FBXL14: variants seen among roughly 807,000 people sequenced by gnomAD.
FBXL14 encodes F-box and leucine rich repeat protein 14, also known as F-box/LRR-repeat protein 14.
FBXL14 carries 11 observed loss-of-function variants against 24.5 expected under a neutral mutation model. The observed-to-expected ratio is 0.45, with a 90% CI of 0.28 to 0.74. The LOEUF is 0.74. Among genes scored for constraint, FBXL14 ranks in the 30% least tolerant of loss-of-function variants. The pLI is 0.12. For synonymous variants in FBXL14, 294 were observed against 240.4 expected, an observed-to-expected ratio of 1.22 and a Z score of -2.06; for missense variants, 384 against 545.6, an observed-to-expected ratio of 0.70 and a Z score of 2.95.
In FBXL14 at chr12:1,593,459, C is replaced by G. The variant is rs772346200; in HGVS notation, c.608G>C (p.Gly203Ala). ...GTCCTGTAGCGTGAGCTGCTCCAGG[C>G]CCAGGCAGCCCTCCGCCGCGCTGCG... is the stretch of plus-strand genomic sequence containing the variant. ...MTRSAAEGCL[G>A]LEQLTLQDCQ... The change falls in exon 1 of 2, where the codon GGC becomes GCC. Residue 203 changes from glycine to alanine, a missense_variant. Physicochemically the swap from Gly to Ala is moderately conservative, Grantham distance 60. Transcript: ENST00000339235. This position sits in a 1 kb window ranked among gnomAD's most constrained non-coding sequence, Gnocchi z 7.4. The G allele has an allele frequency of 1.2e-6, 2 of 1,613,998 alleles. No individual in the cohort carries two copies. The highest frequency in any genetic ancestry group is 4.5e-5 in the East Asian group (2 of 44,886).
In FBXL14 at chr12:1,585,682, G is replaced by C. The variant is rs574906981; in HGVS notation, c.1194+7191C>G. On this transcript the variant is annotated intron_variant, in intron 1 of 1. Transcript: ENST00000339235. ...GTGTGGTAGGTCTGATCCTTCTGGAGTGTGGATTACGTAAATGGGGGAGTA... is the reference window on the plus strand; with the variant it reads ...GTGTGGTAGGTCTGATCCTTCTGGACTGTGGATTACGTAAATGGGGGAGTA... Among the ~76,000 whole-genome samples the C allele has an allele frequency of 2.5e-3, 386 of 152,346 alleles. 1 individual carries two copies. The highest frequency in any genetic ancestry group is 8.8e-3 in the African/African-American group (365 of 41,570).
intron 1 of FBXL14, among the ~76,000 whole-genome samples, chr12:1,568,311 A>G (rs2094439622): frequency 6.6e-6 from 1 of 152,238 alleles, no homozygotes; most frequent in African/African-American, 2.4e-5. Context: ...AACCCTGCAC[A>G]ATTATCCTTT....
Position 1,593,071 on chromosome 12 carries a change from C to A in FBXL14, c.996G>T (p.Leu332=). 1 of 1,612,948 alleles carries A rather than the reference C, an allele frequency of 6.2e-7. No individual in the cohort carries two copies. Among genetic ancestry groups the A allele is most frequent in the African/African-American group, 1.3e-5 (1 of 75,078 alleles). ...INRMVRQMHG[L]RTLNIGQCVR... is the part of the protein sequence containing the mutation. ...CACACTGTCCAATGTTGAGCGTGCG[C>A]AGCCCGTGCATCTGCCGCACCATGC... The change falls in exon 1 of 2, where the codon CTG becomes CTT. Residue 332 remains leucine (L), a synonymous_variant. Coordinates refer to ENST00000339235, the MANE Select transcript of FBXL14 (RefSeq NM_152441.3). The surrounding 1 kb of genome is among the most constrained non-coding windows in gnomAD (Gnocchi z 7.4).
intron 1 of FBXL14, 88 bp from the exon 2 acceptor site, chr12:1,566,898 G>A (rs951939553): frequency 4.3e-5 from 31 of 722,768 alleles, no homozygotes; most frequent in Middle Eastern, 2.4e-4. Flanking sequence ...TAACCCCACC[G>A]CGGCTTTATC....
chr12:1,573,626 T>C (rs1009558611), intron 1 of FBXL14, among the ~76,000 whole-genome samples: 2 of 152,120 alleles, frequency 1.3e-5, no homozygotes, highest in African/African-American at 4.8e-5. Flanking sequence ...AAGCCAGGAC[T>C]TAAAGGGTGA....
rs562339452 is a variant in FBXL14, at chr12:1,567,356, G to A, written c.1195-546C>T. Among the ~76,000 whole-genome samples the A allele has an allele frequency of 1.3e-5, 2 of 152,198 alleles. No homozygotes were observed. The highest frequency in any genetic ancestry group is 4.8e-5 in the African/African-American group (2 of 41,496). ...AGAAAAGAAAAATTAGCTGGGCGTG[G>A]TGGCAAGCACCTGTAATCCCAGCTG... On this transcript the variant is annotated intron_variant, in intron 1 of 1. Coordinates refer to ENST00000339235, the MANE Select transcript of FBXL14 (RefSeq NM_152441.3). The surrounding 1 kb of genome is among the most constrained non-coding windows in gnomAD (Gnocchi z 4.8).
chr12:1,572,682 G>A (rs374656876), intron 1 of FBXL14, among the ~76,000 whole-genome samples: 1 of 152,208 alleles, frequency 6.6e-6, no homozygotes, highest in Non-Finnish European at 1.5e-5. Context: ...ATCCCGGACA[G>A]CGTGCAGCAG....
Position 1,594,375 on chromosome 12 carries a change from G to A in FBXL14, c.-309C>T, listed in dbSNP as rs1387299955. Among the ~76,000 whole-genome samples the A allele has an allele frequency of 6.9e-6, 1 of 145,638 alleles. No individual in the cohort carries two copies. Among genetic ancestry groups the A allele is most frequent in the Non-Finnish European group, 1.5e-5 (1 of 65,622 alleles). On this transcript the variant is annotated 5_prime_UTR_variant, in exon 1 of 2. Transcript: ENST00000339235. ...CTCTCGCTCCCGGAGGCCGGCCGCC[G>A]CCGCCGCCTCGGCTCTACCCACGCC...
rs2094462853 is a variant in FBXL14 at position 1,579,843 on chromosome 12, A to G, written c.1194+13030T>C. 1.3e-5 allele frequency among the ~76,000 whole-genome samples: 2 copies of G among 152,268 alleles called. No individual in the cohort carries two copies. The highest frequency in any genetic ancestry group is 3.9e-4 in the East Asian group (2 of 5,170). On this transcript the variant is annotated intron_variant, in intron 1 of 1. Coordinates refer to ENST00000339235, the MANE Select transcript of FBXL14 (RefSeq NM_152441.3). This position sits in a 1 kb window ranked among gnomAD's most constrained non-coding sequence, Gnocchi z 4.3. ...ACATCACTAACCAGCTGGGATTAGA[A>G]TGAGCAGTCTCTCGATGCTGAAATG... is the stretch of plus-strand genomic sequence containing the variant.
rs1387921340 is a variant in FBXL14 at position 1,593,800 on chromosome 12, C to A, written c.267G>T (p.Met89Ile). 1 of 1,614,192 alleles carries A rather than the reference C, an allele frequency of 6.2e-7. No individual in the cohort carries two copies. Among genetic ancestry groups the A allele is most frequent in the South Asian group, 1.1e-5 (1 of 91,086 alleles). The change falls in exon 1 of 2, where the codon ATG becomes ATT. Residue 89 changes from methionine (M) to isoleucine (I), a missense_variant. Coordinates refer to ENST00000339235, the MANE Select transcript of FBXL14 (RefSeq NM_152441.3). This position sits in a 1 kb window ranked among gnomAD's most constrained non-coding sequence, Gnocchi z 7.4. ...TGAGGTTGAGGCTCTCGATGTTGGC[C>A]ATGCCCTGGATCACGTAGCTGAGGC... ...RRSLSYVIQG[M>I]ANIESLNLSG...
intron 1 of FBXL14, 99 bp from the exon 2 acceptor site, chr12:1,566,909 A>G (rs1353986788): frequency 1.0e-5 from 7 of 686,422 alleles, no homozygotes; most frequent in Non-Finnish European, 2.7e-6. Flanking sequence ...CGGCTTTATC[A>G]GCGCCTAACT....
At position 1,593,802 on chromosome 12, in the gene FBXL14, T is replaced by C; in HGVS notation, c.265A>G (p.Met89Val). The C allele has an allele frequency of 6.2e-7, 1 of 1,614,162 alleles. No individual in the cohort carries two copies. Among genetic ancestry groups the C allele is most frequent in the Non-Finnish European group, 8.5e-7 (1 of 1,180,008 alleles). The part of the protein sequence containing the change: ...RRSLSYVIQG[M>V]ANIESLNLSG... ...AGGTTGAGGCTCTCGATGTTGGCCA[T>C]GCCCTGGATCACGTAGCTGAGGCTG... Residue 89 changes from methionine (M) to valine (V), a missense_variant, in exon 1 of 2, where the codon ATG becomes GTG. By Grantham distance (21) the Met-to-Val change is conservative. Coordinates refer to ENST00000339235, the MANE Select transcript of FBXL14 (RefSeq NM_152441.3). The surrounding 1 kb of genome is among the most constrained non-coding windows in gnomAD (Gnocchi z 7.4).
chr12:1,578,759 G>A (rs1443217342), intron 1 of FBXL14, among the ~76,000 whole-genome samples: 3 of 152,130 alleles, frequency 2.0e-5, no homozygotes, highest in Non-Finnish European at 4.4e-5. Flanking sequence ...GCAGGCATCT[G>A]TGCAGTGATT....
At chr12:1,571,518 A>G (rs769408712) in intron 1 of FBXL14, among the ~76,000 whole-genome samples, 1 of 152,168 alleles carries the variant, frequency 6.6e-6, no homozygotes, top group Non-Finnish European at 1.5e-5. Context: ...AGTGTAAAAC[A>G]CTACTTTCTT....
chr12:1,594,371 C>G lies in FBXL14; in HGVS notation c.-305G>C, dbSNP rs1009149052. ...CTCGCTCTCGCTCCCGGAGGCCGGC[C>G]GCCGCCGCCGCCTCGGCTCTACCCA... is the stretch of plus-strand genomic sequence containing the variant. On this transcript the variant is annotated 5_prime_UTR_variant, in exon 1 of 2. Transcript: ENST00000339235. Among the ~76,000 whole-genome samples the G allele has an allele frequency of 1.6e-4, 24 of 145,940 alleles. No individual in the cohort carries two copies. Among genetic ancestry groups the G allele is most frequent in the African/African-American group, 5.4e-4 (22 of 40,676 alleles).
At position 1,593,670 on chromosome 12, in the gene FBXL14, T is replaced by A. The variant is rs1252610884; in HGVS notation, c.397A>T (p.Ser133Cys). Residue 133 changes from serine (S) to cysteine (C), a missense_variant, in exon 1 of 2, where the codon AGC (serine) becomes TGC (cysteine). Coordinates refer to ENST00000339235, the MANE Select transcript of FBXL14 (RefSeq NM_152441.3). The surrounding 1 kb of genome is among the most constrained non-coding windows in gnomAD (Gnocchi z 7.4). ...NLSLCKQITD[S>C]SLGRIAQYLK... ...TACTGGGCTATGCGGCCCAGGCTGC[T>A]GTCAGTGATCTGCTTGCAGAGGCTC... is the stretch of plus-strand genomic sequence containing the variant. 1.2e-6 allele frequency: 2 copies of A among 1,614,042 alleles called. No individual in the cohort carries two copies. The highest frequency in any genetic ancestry group is 1.7e-6 in the Non-Finnish European group (2 of 1,180,010).
intron 1 of FBXL14, among the ~76,000 whole-genome samples, chr12:1,576,653 C>A (rs535670407): frequency 6.6e-6 from 1 of 152,114 alleles, no homozygotes; most frequent in Non-Finnish European, 1.5e-5. Flanking sequence ...TTGCAGGCTG[C>A]GGCACAGATA....
Position 1,593,491 on chromosome 12 carries a change from G to A in FBXL14, c.576C>T (p.Gly192=). ...AGCCCTCCGCCGCGCTGCGCGTCATGCCGGCCAGGTGCCCGATGCCCACAT... is the reference window on the plus strand; with the variant it reads ...AGCCCTCCGCCGCGCTGCGCGTCATACCGGCCAGGTGCCCGATGCCCACAT... ...LSDVGIGHLA[G]MTRSAAEGCL... is the part of the protein sequence containing the mutation. The change falls in exon 1 of 2, where the codon GGC becomes GGT. Residue 192 remains glycine, a synonymous_variant. Coordinates refer to ENST00000339235, the MANE Select transcript of FBXL14 (RefSeq NM_152441.3). The surrounding 1 kb of genome is among the most constrained non-coding windows in gnomAD (Gnocchi z 7.4). The A allele has an allele frequency of 6.2e-7, 1 of 1,613,764 alleles. No individual in the cohort carries two copies. Among genetic ancestry groups the A allele is most frequent in the Non-Finnish European group, 8.5e-7 (1 of 1,179,954 alleles).
At chr12:1,586,957 G>A (rs1309090070) in intron 1 of FBXL14, among the ~76,000 whole-genome samples, 1 of 152,190 alleles carries the variant, frequency 6.6e-6, no homozygotes, top group African/African-American at 2.4e-5. Flanking sequence ...AACTAAAGTG[G>A]CCGGGCGCGG....
Sources: allele counts gnomAD v4.1 joint callset (sites outside exome capture counted in the v4.1 genomes callset), GRCh38; gene constraint gnomAD v4.1.1; non-coding constraint Gnocchi (gnomAD v3.1); transcripts MANE v1.5; gene names NCBI Gene and HGNC (gene_info 2026-07-23, HGNC 2026-07-21).